Variants in RUNX2 observed in about 807,000 individuals in gnomAD.
RUNX2 encodes the protein runt-related transcription factor 2.
RUNX2 carries 10 observed loss-of-function variants against 51.7 expected under a neutral mutation model. That is an observed-to-expected ratio of 0.19 (90% confidence interval 0.12 to 0.33). The LOEUF is 0.33. Among genes scored for constraint, RUNX2 ranks in the 10% least tolerant of loss-of-function variants. The probability of loss-of-function intolerance (pLI) is 1.00; values close to 1 mark genes in which losing one functional copy is unlikely to be tolerated. For synonymous variants in RUNX2, 276 were observed against 273.6 expected (o/e 1.01, Z -0.09); for missense variants, 562 against 691.3 (o/e 0.81, Z 2.10).
chr6:45,360,790 C>G (rs1461878357), intron 2 of RUNX2, among the ~76,000 whole-genome samples: 1 of 152,112 alleles, frequency 6.6e-6, no homozygotes, highest in Non-Finnish European at 1.5e-5. Flanking sequence ...AACAGACATT[C>G]CAGGAAGCGG....
chr6:45,467,308 G>A (rs980417589), intron 5 of RUNX2, among the ~76,000 whole-genome samples: 1 of 152,016 alleles, frequency 6.6e-6, no homozygotes, highest in Non-Finnish European at 1.5e-5. Context: ...TTGAGACGAA[G>A]TCTCCCTCTG....
intron 6 of RUNX2, 63 bp from the exon 7 acceptor site, chr6:45,512,183 G>A: frequency 6.5e-7 from 1 of 1,549,240 alleles, no homozygotes; most frequent in Non-Finnish European, 8.8e-7. Context: ...TGAGTTTTGG[G>A]TTGCATGTTT....
intron 5 of RUNX2, among the ~76,000 whole-genome samples, chr6:45,453,664 G>T (rs1799239157): frequency 6.6e-6 from 1 of 152,202 alleles, no homozygotes; most frequent in African/African-American, 2.4e-5. Flanking sequence ...CAATCAAGAA[G>T]GATGGAGGCT....
At chr6:45,342,409 G>A (rs1422842857) in intron 2 of RUNX2, among the ~76,000 whole-genome samples, 2 of 152,082 alleles carry the variant, frequency 1.3e-5, no homozygotes, top group African/African-American at 2.4e-5. Flanking sequence ...CTACAGGTGC[G>A]CACCACCACG....
intron 7 of RUNX2, among the ~76,000 whole-genome samples, chr6:45,542,054 C>T (rs1298715122): frequency 6.6e-6 from 1 of 151,910 alleles, no homozygotes; most frequent in Non-Finnish European, 1.5e-5. Context: ...TCAGTGGGAG[C>T]CAAACGTGAC....
chr6:45,461,455 G>C (rs939358746), intron 5 of RUNX2, among the ~76,000 whole-genome samples: 10 of 152,198 alleles, frequency 6.6e-5, no homozygotes, highest in African/African-American at 2.4e-4. Flanking sequence ...AGCTGGAAAA[G>C]TACTCGCACA....
At chr6:45,367,750 G>C (rs1169563130) in intron 2 of RUNX2, among the ~76,000 whole-genome samples, 6 of 152,154 alleles carry the variant, frequency 3.9e-5, no homozygotes, top group Admixed American at 2.0e-4. Flanking sequence ...AATGTCCTGA[G>C]ACACTGCTGG....
intron 5 of RUNX2, among the ~76,000 whole-genome samples, chr6:45,487,610 CAAG>C (rs1180450772): frequency 4.6e-5 from 7 of 152,082 alleles, no homozygotes; most frequent in African/African-American, 1.7e-4. Flanking sequence ...GATTGTCAAA[CAAG>C]AAGAACTTTT....
rs1802481189 is a variant in RUNX2 at position 45,548,859 on chromosome 6, G to C, written c.*1554G>C. On this transcript the variant is annotated 3_prime_UTR_variant, in exon 9 of 9. Transcript: ENST00000647337. ...TGCCTTACCCAAGGCCCCACTGGCA[G>C]CTTTCCACAGAATTTGCATTTAGAG... The C allele has an allele frequency of 1.3e-5, 4 of 305,656 alleles. No individual in the cohort carries two copies. The highest frequency in any genetic ancestry group is 6.4e-5 in the African/African-American group (3 of 46,572). The allele number at this position is 305,656 out of a possible 1,614,324, so 18.9% of individuals were successfully genotyped here.
At chr6:45,391,870 A>ACAAAGC (rs1205601072) in intron 2 of RUNX2, among the ~76,000 whole-genome samples, 10 of 152,218 alleles carry the variant, frequency 6.6e-5, no homozygotes, top group Admixed American at 2.0e-4. Flanking sequence ...GGGTGGGGAC[A>ACAAAGC]CAAAGCCTAA....
At chr6:45,516,165 CAAAAT>C (rs1356907532) in intron 7 of RUNX2, among the ~76,000 whole-genome samples, 1 of 151,972 alleles carries the variant, frequency 6.6e-6, no homozygotes, top group Non-Finnish European at 1.5e-5. Context: ...AAGGTATAAA[CAAAAT>C]AAGATAAAAT....
rs1466476783 is a variant in RUNX2 at position 45,412,130 on chromosome 6, T to C, written c.59-10463T>C. On this transcript the variant is annotated intron_variant, in intron 2 of 8. Coordinates refer to ENST00000647337, the MANE Select transcript of RUNX2 (RefSeq NM_001024630.4). ...TGAGAGGCCAAGGCCAGAAAATCGC[T>C]TGAGGCCAGGAATTTGAGACTAGCC... is the stretch of plus-strand genomic sequence containing the variant. Among the ~76,000 whole-genome samples the C allele has an allele frequency of 4.0e-5, 6 of 151,140 alleles. No individual in the cohort carries two copies. The East Asian group carries it at 1.2e-3, about 29-fold the overall frequency.
intron 2 of RUNX2, among the ~76,000 whole-genome samples, chr6:45,381,176 T>C (rs903466094): frequency 2.0e-5 from 3 of 152,232 alleles, no homozygotes; most frequent in African/African-American, 7.2e-5. Context: ...TATCTTGTTT[T>C]ATGTTTAGAG....
chr6:45,491,443 C>T (rs1022972959), intron 5 of RUNX2, among the ~76,000 whole-genome samples: 1 of 151,912 alleles, frequency 6.6e-6, no homozygotes, highest in Non-Finnish European at 1.5e-5. Context: ...GTAGTTGTAA[C>T]GTTAAAGAAA....
intron 4 of RUNX2, among the ~76,000 whole-genome samples, chr6:45,436,749 C>T (rs1242389939): frequency 6.6e-6 from 1 of 152,160 alleles, no homozygotes; most frequent in Non-Finnish European, 1.5e-5. Flanking sequence ...TAACCTGTTC[C>T]ATATTAAGCT....
chr6:45,534,253 TG>T (rs1801960682), intron 7 of RUNX2, among the ~76,000 whole-genome samples: 1 of 151,890 alleles, frequency 6.6e-6, no homozygotes, highest in African/African-American at 2.4e-5. Flanking sequence ...GCACCTCTAT[TG>T]GGGGAAAAAA....
intron 6 of RUNX2, among the ~76,000 whole-genome samples, chr6:45,499,817 G>T (rs1800749735): frequency 6.6e-6 from 1 of 152,072 alleles, no homozygotes; most frequent in African/African-American, 2.4e-5. Context: ...TTTCTAGCCT[G>T]TCTTTAACTC....
chr6:45,346,155 T>C (rs936178223), intron 2 of RUNX2, among the ~76,000 whole-genome samples: 5 of 149,400 alleles, frequency 3.3e-5, no homozygotes, highest in African/African-American at 1.2e-4. Context: ...CATACTTACC[T>C]GCATCTACCA....
chr6:45,481,525 A>G (rs959677057), intron 5 of RUNX2, among the ~76,000 whole-genome samples: 4 of 152,338 alleles, frequency 2.6e-5, no homozygotes, highest in African/African-American at 7.2e-5. Context: ...AGACATAGAG[A>G]AAGAGTTTTT....
Sources: allele counts gnomAD v4.1 joint callset (sites outside exome capture counted in the v4.1 genomes callset), GRCh38; gene constraint gnomAD v4.1.1; transcripts MANE v1.5; gene names NCBI Gene and HGNC (gene_info 2026-07-23, HGNC 2026-07-21).